The following CFAP74 variants were observed in gnomAD, a reference collection of about 807,000 sequenced individuals.
CFAP74 encodes the protein cilia- and flagella-associated protein 74.
Under a neutral mutation model 188.9 loss-of-function variants are expected in CFAP74, and 124 were observed. The observed-to-expected ratio is 0.66, with a 90% CI of 0.57 to 0.76. The LOEUF (loss-of-function observed/expected upper bound fraction) is 0.76, where lower values mean the gene tolerates loss of function less well. CFAP74 is among the 30% of genes least tolerant of loss of function. CFAP74 has a pLI of 0.00. For missense variants in CFAP74, 2,198 were observed against 2,165.2 expected, an observed-to-expected ratio of 1.02 and a Z score of -0.30; for synonymous variants, 956 against 916.7, an observed-to-expected ratio of 1.04 and a Z score of -0.77.
At position 1,990,975 on chromosome 1, in the gene CFAP74, G is replaced by C. The variant is rs1657533927; in HGVS notation, c.-19C>G. 3 of 1,599,128 alleles carry C rather than the reference G, an allele frequency of 1.9e-6. No individual in the cohort carries two copies. The highest frequency in any genetic ancestry group is 2.6e-6 in the Non-Finnish European group (3 of 1,173,394). ...CCTCCATGCTGGGAGATAGAAATTA[G>C]CTGCAAAAGATGATCGCAAAATATA... On this transcript the variant is annotated splice_region_variant and 5_prime_UTR_variant, in exon 2 of 39. Transcript: ENST00000682832.
chr1:1,922,926 C>T (rs1212227333), intron 37 of CFAP74, 59 bp downstream of exon 37: 3 of 1,525,100 alleles, frequency 2.0e-6, no homozygotes, highest in Non-Finnish European at 1.8e-6. Flanking sequence ...TCAGGGCTGC[C>T]CAGGGCAGGG....
In CFAP74 at chr1:1,926,299, G is replaced by A. The variant is rs2102030575; in HGVS notation, c.3877C>T (p.His1293Tyr). The A allele has an allele frequency of 1.3e-6, 2 of 1,546,928 alleles. No homozygotes were observed. Among genetic ancestry groups the A allele is most frequent in the East Asian group, 2.4e-5 (1 of 40,850 alleles). ...CCACCTGCACGCAGCAGGCTGGAGT[G>A]GTTCAGCAGGACAAAGGGGCCGTTG... ...NPNGPFVLLN[H>Y]SSLLRAGGTQ... Residue 1293 changes from histidine (H) to tyrosine (Y), a missense_variant, in exon 32 of 39, where the codon CAC (histidine) becomes TAC (tyrosine). His to Tyr is a moderately conservative substitution (Grantham distance 83). Coordinates refer to ENST00000682832, the MANE Select transcript of CFAP74 (RefSeq NM_001304360.2).
intron 17 of CFAP74, 87 bp downstream of exon 17, chr1:1,956,533 C>G: frequency 3.3e-6 from 5 of 1,527,780 alleles, no homozygotes; most frequent in Non-Finnish European, 3.6e-6. Context: ...TGTTGATACC[C>G]TCATGTTGTC....
intron 6 of CFAP74, among the ~76,000 whole-genome samples, chr1:1,974,727 G>A (rs1478856077): frequency 6.6e-6 from 1 of 152,234 alleles, no homozygotes; most frequent in Non-Finnish European, 1.5e-5. Context: ...ATTTGTCCTC[G>A]ACTGTGAGTG....
In CFAP74 at chr1:1,996,992, T is replaced by C. The variant is rs538458714; in HGVS notation, c.-19-6017A>G. On this transcript the variant is annotated intron_variant, in intron 1 of 38. Coordinates refer to ENST00000682832, the MANE Select transcript of CFAP74 (RefSeq NM_001304360.2). ...TCTGTAATGTGATAGAGTATATATATACCAAAAATTACCACAGCAAACGTC... is the reference window on the plus strand; with the variant it reads ...TCTGTAATGTGATAGAGTATATATACACCAAAAATTACCACAGCAAACGTC... Among the ~76,000 whole-genome samples the C allele has an allele frequency of 3.3e-4, 46 of 138,112 alleles. No individual in the cohort carries two copies. The South Asian group carries it at 9.7e-3, about 29-fold the overall frequency. The allele number at this position is 138,112 out of a possible 152,430, so 90.6% of individuals were successfully genotyped here.
chr1:1,935,887 C>T (rs929417092), intron 25 of CFAP74, among the ~76,000 whole-genome samples: 5 of 151,200 alleles, frequency 3.3e-5, no homozygotes, highest in East Asian at 1.9e-4. Flanking sequence ...CACACACACA[C>T]GAACTGCAGG....
intron 1 of CFAP74, among the ~76,000 whole-genome samples, chr1:1,991,997 G>A (rs6684100): frequency 0.1 from 15,410 of 150,408 alleles, 1,924 homozygotes; most frequent in African/African-American, 0.29. Context: ...CCGAGATCGC[G>A]CCACTGCACT....
chr1:1,950,246 T>A (rs1478994867), intron 18 of CFAP74, among the ~76,000 whole-genome samples: 4 of 152,218 alleles, frequency 2.6e-5, no homozygotes, highest in Non-Finnish European at 5.9e-5. Flanking sequence ...CTTCATCTCA[T>A]GTTTAATGAT....
chr1:1,974,284 C>T (rs1460969920), intron 6 of CFAP74, 86 bp from the exon 7 acceptor site: 1 of 1,381,434 alleles, frequency 7.2e-7, no homozygotes, highest in East Asian at 2.4e-5. Flanking sequence ...GACAAATCCT[C>T]CAGGCAGATG....
At chr1:1,952,663 A>ATT (rs576484834) in intron 18 of CFAP74, among the ~76,000 whole-genome samples, 157 of 147,836 alleles carry the variant, frequency 1.1e-3, no homozygotes, top group African/African-American at 3.5e-3. Context: ...ACAAGACTCA[A>ATT]TTTTTTTTTT....
chr1:1,997,358 G>T (rs1657972513), intron 1 of CFAP74, among the ~76,000 whole-genome samples: 1 of 151,838 alleles, frequency 6.6e-6, no homozygotes, highest in Admixed American at 6.6e-5. Context: ...GGAGGCGGAG[G>T]TTGCAGTGAG....
At chr1:1,939,917 T>C (rs1653246222) in intron 23 of CFAP74, 150 bp from the exon 24 acceptor site, 1 of 792,812 alleles carries the variant, frequency 1.3e-6, no homozygotes, top group Non-Finnish European at 2.0e-6. Context: ...TAAAACCCAC[T>C]TCCCTGTGAC....
At chr1:1,999,710 G>T (rs1318793711) in intron 1 of CFAP74, among the ~76,000 whole-genome samples, 2 of 151,954 alleles carry the variant, frequency 1.3e-5, no homozygotes, top group Non-Finnish European at 2.9e-5. Context: ...CCAGCTACTC[G>T]GGAGGCTGAG....
At chr1:1,964,614 A>G (rs985363622) in intron 13 of CFAP74, among the ~76,000 whole-genome samples, 2 of 152,148 alleles carry the variant, frequency 1.3e-5, no homozygotes, top group Admixed American at 1.3e-4. Flanking sequence ...ACATGGTGAA[A>G]CCCCGTCTCT....
intron 15 of CFAP74, 100 bp from the exon 16 acceptor site, chr1:1,959,309 T>C: frequency 1.3e-6 from 1 of 780,274 alleles, no homozygotes; most frequent in Non-Finnish European, 2.1e-6. Context: ...CAGGCTGGGG[T>C]GCAGTGGCAC....
At chr1:1,925,688 C>T in intron 33 of CFAP74, 95 bp downstream of exon 33, 15 of 1,416,218 alleles carry the variant, frequency 1.1e-5, no homozygotes, top group Non-Finnish European at 1.3e-5. Context: ...GGCTCTCCGA[C>T]CCACGGGTCA....
In CFAP74 at chr1:1,968,747, T is replaced by G. The variant is rs35269416; in HGVS notation, c.1133A>C (p.Lys378Thr). Residue 378 changes from lysine to threonine, a missense_variant, in exon 11 of 39, where the codon AAA becomes ACA. By Grantham distance (78) the Lys-to-Thr change is moderately conservative (BLOSUM62 -1). Transcript: ENST00000682832. The surrounding 1 kb of genome is among the most constrained non-coding windows in gnomAD (Gnocchi z 4.3). ...KEEAEEEKRKKQHPPTSARHR... is the reference protein window; with the variant it reads ...KEEAEEEKRKTQHPPTSARHR... ...CCTGGCACTGGTGGGGGGATGCTGT[T>G]TCTTCCTCTTTTCCTCCTCAGCCTC... 3.1e-6 allele frequency: 5 copies of G among 1,613,878 alleles called. No homozygotes were observed. In the South Asian group the frequency reaches 3.3e-5, roughly 11 times the overall value.
rs1655632724 is a variant in CFAP74, at chr1:1,968,414, G to A, written c.1245+221C>T. On this transcript the variant is annotated intron_variant, in intron 11 of 38. Coordinates refer to ENST00000682832, the MANE Select transcript of CFAP74 (RefSeq NM_001304360.2). The surrounding 1 kb of genome is among the most constrained non-coding windows in gnomAD (Gnocchi z 4.3). The stretch of plus-strand genomic sequence containing the variant: ...CAGGAGGACACTGGACCCTTGCTGG[G>A]GATGCTGCGGCCATGGGCCTCTCTC... Among the ~76,000 whole-genome samples the A allele has an allele frequency of 6.6e-6, 1 of 152,036 alleles. No individual in the cohort carries two copies. Among genetic ancestry groups the A allele is most frequent in the African/African-American group, 2.4e-5 (1 of 41,392 alleles).
chr1:1,948,929 C>CCTTCCCCTTCCT (rs1653987005), intron 18 of CFAP74, among the ~76,000 whole-genome samples: 3 of 13,820 alleles, frequency 2.2e-4, no homozygotes, highest in African/African-American at 2.3e-4. Flanking sequence ...TCCTTCCTTC[C>CCTTCCCCTTCCT]TCTTTCCTCC....
Sources: gnomAD v4.1 joint callset for allele counts (sites outside exome capture counted in the v4.1 genomes callset) on GRCh38, gnomAD v4.1.1 for gene constraint, Gnocchi (gnomAD v3.1) non-coding constraint, MANE v1.5 for transcripts, NCBI Gene and HGNC (gene_info 2026-07-23, HGNC 2026-07-21) for gene names.